The following USP36 variants were observed in gnomAD, a reference collection of about 807,000 sequenced individuals.
USP36 encodes ubiquitin specific peptidase 36, also known as ubiquitin carboxyl-terminal hydrolase 36.
A neutral mutation model predicts 111.5 loss-of-function variants in USP36; 59 were observed. The ratio of observed to expected loss-of-function variants is 0.53; its 90% confidence interval spans 0.43 to 0.66. The LOEUF (loss-of-function observed/expected upper bound fraction) is 0.66, where lower values mean the gene tolerates loss of function less well. Ranked by LOEUF, USP36 falls within the 30% of genes least tolerant of loss-of-function variation. The pLI is 0.00. For missense variants in USP36, 1,488 were observed against 1,468.0 expected (o/e 1.01, Z -0.22); for synonymous variants, 628 against 581.0 (o/e 1.08, Z -1.16).
intron 4 of USP36, among the ~76,000 whole-genome samples, chr17:78,833,699 T>C (rs1358805711): frequency 3.3e-5 from 5 of 152,228 alleles, no homozygotes; most frequent in Admixed American, 6.5e-5. Context: ...TTTTCTGCGA[T>C]GAAAACATCC....
chr17:78,795,241 G>A (rs185266773), downstream of USP36, among the ~76,000 whole-genome samples: 705 of 152,264 alleles, frequency 4.6e-3, 5 homozygotes, highest in African/African-American at 0.016. This position sits in a 1 kb window ranked among gnomAD's most constrained non-coding sequence, Gnocchi z 4.5. Context: ...GCCTCACCTC[G>A]CTTGTTCTTA....
intron 6 of USP36, among the ~76,000 whole-genome samples, chr17:78,822,512 C>T (rs1390197875): frequency 2.6e-5 from 4 of 152,118 alleles, no homozygotes; most frequent in Non-Finnish European, 4.4e-5. Context: ...CAAATCTCCC[C>T]GGCTCTGCAC....
At chr17:78,820,305 T>C (rs2094288677) in intron 8 of USP36, among the ~76,000 whole-genome samples, 1 of 152,054 alleles carries the variant, frequency 6.6e-6, no homozygotes, top group South Asian at 2.1e-4. Flanking sequence ...AAGACCCCTG[T>C]CTCTGCAAAG....
At chr17:78,809,069 T>C (rs932915168) in intron 13 of USP36, among the ~76,000 whole-genome samples, 1 of 152,250 alleles carries the variant, frequency 6.6e-6, no homozygotes, top group African/African-American at 2.4e-5. Context: ...ATTACCACTT[T>C]AACATTCATA....
At chr17:78,815,970 A>G (rs2094177844) in intron 10 of USP36, among the ~76,000 whole-genome samples, 1 of 152,000 alleles carries the variant, frequency 6.6e-6, no homozygotes, top group South Asian at 2.1e-4. Context: ...ATACATACAC[A>G]CACATATAAT....
rs1247939178 is a variant in USP36, at chr17:78,806,815, G to C, written c.2085+144C>G. On this transcript the variant is annotated intron_variant, in intron 14 of 20. Coordinates refer to ENST00000449938, the MANE Select transcript of USP36 (RefSeq NM_001385174.1). ...AGCCGTTCTTTAATTGCAAATGGCT[G>C]GGAACGACTAAAAGACACTTTGTTC... 3 of 1,187,516 alleles carry C rather than the reference G, an allele frequency of 2.5e-6. No homozygotes were observed. The East Asian group carries it at 7.2e-5, about 29-fold the overall frequency. 73.6% of individuals were successfully genotyped at this position (1,187,516 alleles called of 1,614,324 possible). A position where few individuals can be genotyped will look rare whatever the true frequency, so the allele number is the denominator to read the frequency against.
intron 11 of USP36, 105 bp downstream of exon 11, chr17:78,814,307 C>G: frequency 6.8e-7 from 1 of 1,469,726 alleles, no homozygotes; most frequent in Non-Finnish European, 9.1e-7. Context: ...AACCACAAAA[C>G]ATCACACTTT....
At position 78,818,725 on chromosome 17, in the gene USP36, T is replaced by A; in HGVS notation, c.965A>T (p.Asn322Ile). The A allele has an allele frequency of 5.0e-6, 8 of 1,613,958 alleles. No individual in the cohort carries two copies. The highest frequency in any genetic ancestry group is 6.8e-6 in the Non-Finnish European group (8 of 1,179,902). The change falls in exon 10 of 21, where the codon AAC (asparagine) becomes ATC (isoleucine). Residue 322 changes from asparagine (N) to isoleucine (I), a missense_variant. Coordinates refer to ENST00000449938, the MANE Select transcript of USP36 (RefSeq NM_001385174.1). ...SKRFTIHRTS[N>I]VLTLSLKRFA... is the part of the protein sequence containing the mutation. ...GCGCTTGAGGGAAAGGGTTAAGACG[T>A]TGGATGTTCTGTGGATGGTGAAGCG...
intron 6 of USP36, 141 bp downstream of exon 6, chr17:78,827,096 TGAGTACCC>T: frequency 1.2e-6 from 1 of 852,298 alleles, no homozygotes; most frequent in Non-Finnish European, 1.9e-6. Context: ...TCCAACAGTT[TGAGTACCC>T]AGAGGCAAAT....
chr17:78,804,625 T>TAAAA (rs35371422), intron 15 of USP36, among the ~76,000 whole-genome samples: 5 of 38,340 alleles, frequency 1.3e-4, no homozygotes, highest in Non-Finnish European at 1.4e-4. Flanking sequence ...CCCTGAGATT[T>TAAAA]AAAAAAAAAA....
intron 6 of USP36, among the ~76,000 whole-genome samples, chr17:78,825,551 C>T (rs1215152769): frequency 6.6e-6 from 1 of 152,134 alleles, no homozygotes; most frequent in Non-Finnish European, 1.5e-5. Flanking sequence ...AATCCTGGTA[C>T]CAACGAATGG....
chr17:78,814,311 A>G lies in USP36; in HGVS notation c.1164+101T>C, dbSNP rs1157851591. On this transcript the variant is annotated intron_variant, in intron 11 of 20. Transcript: ENST00000449938. ...GACTTGAATACAACCACAAAACATC[A>G]CACTTTTCACAAAGTAAGTGCTCTA... The G allele has an allele frequency of 4.7e-6, 7 of 1,480,834 alleles. No homozygotes were observed. In the African/African-American group the frequency reaches 9.8e-5, roughly 21 times the overall value. The allele number at this position is 1,480,834 out of a possible 1,614,324, so 91.7% of individuals were successfully genotyped here.
rs546169836 is a variant in USP36 at position 78,815,230 on chromosome 17, G to T, written c.1024-678C>A. Among the ~76,000 whole-genome samples, 14 of 152,198 alleles carry T rather than the reference G, an allele frequency of 9.2e-5. No individual in the cohort carries two copies. In the Middle Eastern group the frequency reaches 0.01, roughly 112 times the overall value. Reference sequence around the variant, plus strand: ...GCCTGTAGTTCCAGCTACTCAGGAGGCTGAGGCAGGAGAATCGCTTGAAAC... The same window carrying T: ...GCCTGTAGTTCCAGCTACTCAGGAGTCTGAGGCAGGAGAATCGCTTGAAAC... On this transcript the variant is annotated intron_variant, in intron 10 of 20. Transcript: ENST00000449938.
chr17:78,798,747 A>G lies in USP36; in HGVS notation c.3240+161T>C, dbSNP rs1253898290. ...AAAGGGGCGGAAGCTGCGAGGATGCATGCCCTGTCCATGGCCACACGCCCG... is the reference window on the plus strand; with the variant it reads ...AAAGGGGCGGAAGCTGCGAGGATGCGTGCCCTGTCCATGGCCACACGCCCG... On this transcript the variant is annotated intron_variant, in intron 19 of 20. Coordinates refer to ENST00000449938, the MANE Select transcript of USP36 (RefSeq NM_001385174.1). The surrounding 1 kb of genome is among the most constrained non-coding windows in gnomAD (Gnocchi z 5.1). Among the ~76,000 whole-genome samples, 2 of 152,162 alleles carry G rather than the reference A, an allele frequency of 1.3e-5. No individual in the cohort carries two copies. The highest frequency in any genetic ancestry group is 2.9e-5 in the Non-Finnish European group (2 of 68,016).
rs757933013 is a variant in USP36, at chr17:78,807,412, G to A, written c.1632C>T (p.His544=). 3.1e-6 allele frequency: 5 copies of A among 1,614,204 alleles called. No individual in the cohort carries two copies. In the East Asian group the frequency reaches 1.1e-4, roughly 36 times the overall value. Residue 544 remains histidine, a synonymous_variant, in exon 14 of 21, where the codon CAC becomes CAT. Coordinates refer to ENST00000449938, the MANE Select transcript of USP36 (RefSeq NM_001385174.1). ...KKVKKPAPPQ[H]FSPRTAQGLP... is the part of the protein sequence containing the mutation. ...GCCCCTGAGCAGTTCTGGGGGAAAA[G>A]TGCTGTGGAGGAGCTGGCTTCTTCA...
Position 78,798,156 on chromosome 17 carries a change from C to A in USP36, c.*20+244G>T, listed in dbSNP as rs1195670881. 3.9e-6 allele frequency: 2 copies of A among 514,738 alleles called. No homozygotes were observed. Among genetic ancestry groups the A allele is most frequent in the Admixed American group, 3.2e-5 (1 of 30,810 alleles). The allele number at this position is 514,738 out of a possible 1,614,324, so 31.9% of individuals were successfully genotyped here. A position where few individuals can be genotyped will look rare whatever the true frequency, so the allele number is the denominator to read the frequency against. Reference sequence around the variant, plus strand: ...CACACCCAACACACACTACACACACCCCCTTATACACACGCATCCCACACA... The same window carrying A: ...CACACCCAACACACACTACACACACACCCTTATACACACGCATCCCACACA... On this transcript the variant is annotated intron_variant, in intron 20 of 20. Transcript: ENST00000449938. The surrounding 1 kb of genome is among the most constrained non-coding windows in gnomAD (Gnocchi z 5.1).
At position 78,802,379 on chromosome 17, in the gene USP36, G is replaced by A. The variant is rs369463937; in HGVS notation, c.2967C>T (p.Pro989=). The A allele has an allele frequency of 4.6e-5, 74 of 1,606,980 alleles. No individual in the cohort carries two copies. The East Asian group carries it at 7.6e-4, about 17-fold the overall frequency. Residue 989 remains proline (P), a synonymous_variant, in exon 17 of 21, where the codon CCC becomes CCT. Transcript: ENST00000449938. ...RSAKPQDAVV[P]ESSSCAPSAN... ...CGGATGGTGCGCAGCTGCTGGACTC[G>A]GGGACAACAGCATCTTGGGGCTTGG...
At chr17:78,835,997 A>C in intron 3 of USP36, 114 bp downstream of exon 3, 1 of 1,462,956 alleles carries the variant, frequency 6.8e-7, no homozygotes, top group African/African-American at 1.4e-5. Context: ...GTAAAAATTC[A>C]TAACTCTTTG....
chr17:78,800,095 T>C (rs1309707622), intron 17 of USP36, among the ~76,000 whole-genome samples: 2 of 146,460 alleles, frequency 1.4e-5, no homozygotes, highest in African/African-American at 2.5e-5. Flanking sequence ...AGTCAATTCA[T>C]GAGAAAGAAA....
Sources: gnomAD v4.1 joint callset for allele counts (sites outside exome capture counted in the v4.1 genomes callset) on GRCh38, gnomAD v4.1.1 for gene constraint, Gnocchi (gnomAD v3.1) non-coding constraint, MANE v1.5 for transcripts, NCBI Gene and HGNC (gene_info 2026-07-23, HGNC 2026-07-21) for gene names.